The following SFXN5 variants were observed in gnomAD, a reference collection of about 807,000 sequenced individuals.
The protein encoded by SFXN5 is sideroflexin-5.
Under a neutral mutation model 50.2 loss-of-function variants are expected in SFXN5, and 43 were observed. The observed-to-expected ratio is 0.86, with a 90% CI of 0.67 to 1.11. SFXN5 has a LOEUF of 1.11. Ranked by LOEUF, SFXN5 falls within the 50% of genes least tolerant of loss-of-function variation. The pLI is 0.00. For missense variants in SFXN5, 463 were observed against 454.1 expected, an observed-to-expected ratio of 1.02 and a Z score of -0.18; for synonymous variants, 203 against 185.8, an observed-to-expected ratio of 1.09 and a Z score of -0.75.
intron 2 of SFXN5, chr2:73,049,170 C>T (rs2105971244): frequency 6.6e-6 from 1 of 152,418 alleles, no homozygotes; most frequent in South Asian, 2.1e-4. Flanking sequence ...AGTCCAAGAT[C>T]AAGAACCAGC....
intron 9 of SFXN5, among the ~76,000 whole-genome samples, chr2:72,995,356 A>G (rs915571916): frequency 3.3e-5 from 5 of 152,254 alleles, no homozygotes; most frequent in Non-Finnish European, 5.9e-5. Context: ...AAGCAGCCAG[A>G]CATTGCCAAA....
At chr2:73,057,513 C>G (rs1292624242) in intron 2 of SFXN5, among the ~76,000 whole-genome samples, 1 of 152,128 alleles carries the variant, frequency 6.6e-6, no homozygotes, top group African/African-American at 2.4e-5. Flanking sequence ...ATATGACATT[C>G]TGGAAACAGC....
At chr2:73,057,039 G>A (rs79707699) in intron 2 of SFXN5, among the ~76,000 whole-genome samples, 125 of 152,296 alleles carry the variant, frequency 8.2e-4, no homozygotes, top group East Asian at 7.5e-3. Flanking sequence ...ATCAACAAGT[G>A]AATGGATAAA....
chr2:73,059,030 G>T lies in SFXN5; in HGVS notation c.103-434C>A, dbSNP rs1458239748. The stretch of plus-strand genomic sequence containing the variant: ...TACCCGCCACAGGGTCCCTCCCCAA[G>T]GTCCAGCTCTGCCTCCAGGGGGGAT... On this transcript the variant is annotated intron_variant, in intron 1 of 13. Coordinates refer to ENST00000272433, the MANE Select transcript of SFXN5 (RefSeq NM_144579.3). 3 of 970,380 alleles carry T rather than the reference G, an allele frequency of 3.1e-6. No individual in the cohort carries two copies. In the East Asian group the frequency reaches 3.0e-4, roughly 96 times the overall value. 60.1% of individuals were successfully genotyped at this position (970,380 alleles called of 1,614,324 possible). A position where few individuals can be genotyped will look rare whatever the true frequency, so the allele number is the denominator to read the frequency against.
chr2:73,051,215 G>A (rs1574238992), intron 2 of SFXN5, among the ~76,000 whole-genome samples: 2 of 147,882 alleles, frequency 1.4e-5, no homozygotes, highest in East Asian at 4.0e-4. Context: ...CATCTGAATT[G>A]CCTTTATTGC....
chr2:73,071,369 G>A, intron 1 of SFXN5: 1 of 517,520 alleles, frequency 1.9e-6, no homozygotes, highest in Non-Finnish European at 3.4e-6. Flanking sequence ...AGAGGGCGCG[G>A]GCAGTCGGGG....
chr2:73,063,264 G>T (rs1165414619), intron 1 of SFXN5, among the ~76,000 whole-genome samples: 2 of 152,108 alleles, frequency 1.3e-5, no homozygotes, highest in Non-Finnish European at 2.9e-5. Context: ...GGTACAGATT[G>T]CCCTAAGACC....
At chr2:73,069,221 A>C (rs1011805040) in intron 1 of SFXN5, among the ~76,000 whole-genome samples, 2 of 152,142 alleles carry the variant, frequency 1.3e-5, no homozygotes, top group African/African-American at 2.4e-5. Flanking sequence ...TTGCAGAAAG[A>C]GGAAGGACTG....
intron 3 of SFXN5, among the ~76,000 whole-genome samples, chr2:73,030,296 C>A (rs1275123791): frequency 6.6e-6 from 1 of 152,082 alleles, no homozygotes. Flanking sequence ...CTTTCCATAT[C>A]AGTGCACAGA....
chr2:73,061,760 T>TA (rs141529892), intron 1 of SFXN5, among the ~76,000 whole-genome samples: 22 of 152,186 alleles, frequency 1.4e-4, no homozygotes, highest in Admixed American at 7.2e-4. Flanking sequence ...CTTTTGAAAT[T>TA]AAAAAAATCA....
intron 3 of SFXN5, among the ~76,000 whole-genome samples, chr2:73,029,527 A>AG (rs749201031): frequency 1.2e-4 from 18 of 152,088 alleles, no homozygotes; most frequent in Non-Finnish European, 2.6e-4. Context: ...TCTTTAGACT[A>AG]GGTAAGGCAT....
At chr2:72,976,217 C>T in intron 10 of SFXN5, among the ~76,000 whole-genome samples, 1 of 152,070 alleles carries the variant, frequency 6.6e-6, no homozygotes, top group African/African-American at 2.4e-5. Context: ...GAAAGACTTC[C>T]ACTTTTTTAC....
chr2:73,056,068 G>A (rs575090376), intron 2 of SFXN5, among the ~76,000 whole-genome samples: 7 of 152,316 alleles, frequency 4.6e-5, no homozygotes, highest in African/African-American at 9.6e-5. Flanking sequence ...AACCCGGGAA[G>A]TGGAGGCTGC....
At chr2:72,949,221 C>G (rs893238959) in intron 13 of SFXN5, among the ~76,000 whole-genome samples, 80 of 152,132 alleles carry the variant, frequency 5.3e-4, no homozygotes, top group African/African-American at 1.7e-3. Flanking sequence ...GTGGCTGGGA[C>G]AGGCAGAATC....
intron 6 of SFXN5, among the ~76,000 whole-genome samples, chr2:73,008,444 A>T (rs1356138481): frequency 6.6e-6 from 1 of 151,854 alleles, no homozygotes; most frequent in Non-Finnish European, 1.5e-5. Context: ...CCCCAGGCCC[A>T]TGAGGGAAAC....
At chr2:73,050,917 G>A (rs1574238239) in intron 2 of SFXN5, among the ~76,000 whole-genome samples, 1 of 152,096 alleles carries the variant, frequency 6.6e-6, no homozygotes, top group African/African-American at 2.4e-5. Context: ...TTTACTATAA[G>A]CAGTTAAGAG....
intron 2 of SFXN5, among the ~76,000 whole-genome samples, chr2:73,056,375 T>C (rs1213737744): frequency 3.4e-5 from 5 of 145,776 alleles, no homozygotes; most frequent in Non-Finnish European, 6.1e-5. Flanking sequence ...AGAGCGAGAC[T>C]CTGTCTCAAA....
chr2:72,990,492 C>T (rs1318264729), intron 9 of SFXN5, among the ~76,000 whole-genome samples: 1 of 152,148 alleles, frequency 6.6e-6, no homozygotes, highest in African/African-American at 2.4e-5. Flanking sequence ...CTGGAGGACA[C>T]GCAGACGGGC....
At chr2:72,979,676 C>A (rs960402307) in intron 10 of SFXN5, among the ~76,000 whole-genome samples, 1 of 152,236 alleles carries the variant, frequency 6.6e-6, no homozygotes, top group East Asian at 1.9e-4. Context: ...AGCCATGGAA[C>A]AAACTACTGT....
Sources: gnomAD v4.1 joint callset for allele counts (sites outside exome capture counted in the v4.1 genomes callset) on GRCh38, gnomAD v4.1.1 for gene constraint, MANE v1.5 for transcripts, NCBI Gene and HGNC (gene_info 2026-07-23, HGNC 2026-07-21) for gene names.